Variants in ADGRL3 observed in about 807,000 individuals in gnomAD.
ADGRL3 encodes adhesion G protein-coupled receptor L3.
In ADGRL3, 62 loss-of-function variants were observed where a neutral mutation model predicts 153.5. The ratio of observed to expected loss-of-function variants is 0.40; its 90% CI spans 0.33 to 0.50. The LOEUF (loss-of-function observed/expected upper bound fraction) is 0.50, where lower values mean the gene tolerates loss of function less well. Ranked by LOEUF, ADGRL3 falls within the 20% of genes least tolerant of loss-of-function variation. The pLI is 0.47. For synonymous variants in ADGRL3, 710 were observed against 672.5 expected (o/e 1.06, Z -0.86); for missense variants, 1,641 against 1,859.4 (o/e 0.88, Z 2.16).
At chr4:61,446,113 T>TTAC (rs1158923806) in intron 2 of ADGRL3, among the ~76,000 whole-genome samples, 1 of 152,208 alleles carries the variant, frequency 6.6e-6, no homozygotes, top group Non-Finnish European at 1.5e-5. Context: ...TCTGAGAGTG[T>TTAC]ATCTTCATCA....
chr4:61,677,302 G>A, intron 6 of ADGRL3: 1 of 352,498 alleles, frequency 2.8e-6, no homozygotes, highest in Non-Finnish European at 5.3e-6. Flanking sequence ...ATGTATAGCA[G>A]TTGATACATT....
chr4:61,486,384 A>T (rs140497067), intron 2 of ADGRL3, among the ~76,000 whole-genome samples: 1 of 152,184 alleles, frequency 6.6e-6, no homozygotes, highest in African/African-American at 2.4e-5. Context: ...TTGTCACTAG[A>T]TGCGATATAT....
Position 61,735,526 on chromosome 4 carries a change from A to G in ADGRL3, c.1399+1972A>G, listed in dbSNP as rs529034009. Reference sequence around the variant, plus strand: ...CAGTTTAAAACCTGATCAATAATCCATTATCTAGAATATTCTGAGAAGACA... The same window carrying G: ...CAGTTTAAAACCTGATCAATAATCCGTTATCTAGAATATTCTGAGAAGACA... On this transcript the variant is annotated intron_variant, in intron 8 of 26. Coordinates refer to ENST00000683033, the MANE Select transcript of ADGRL3 (RefSeq NM_001387552.1). Among the ~76,000 whole-genome samples, 8 of 152,308 alleles carry G rather than the reference A, an allele frequency of 5.3e-5. No individual in the cohort carries two copies. The South Asian group carries it at 1.2e-3, about 24-fold the overall frequency.
At chr4:61,368,221 T>G (rs2096446070) in intron 1 of ADGRL3, among the ~76,000 whole-genome samples, 1 of 152,170 alleles carries the variant, frequency 6.6e-6, no homozygotes, top group African/African-American at 2.4e-5. Flanking sequence ...TCTTTTGCTG[T>G]GCAGAAGCTC....
intron 11 of ADGRL3, among the ~76,000 whole-genome samples, chr4:61,896,202 T>A (rs1456917784): frequency 6.6e-6 from 1 of 152,230 alleles, no homozygotes; most frequent in Non-Finnish European, 1.5e-5. Flanking sequence ...ACCTTTGGAA[T>A]CTTAAGCCAT....
At chr4:61,947,961 C>T in intron 16 of ADGRL3, 139 bp from the exon 17 acceptor site, 1 of 629,526 alleles carries the variant, frequency 1.6e-6, no homozygotes, top group Non-Finnish European at 2.8e-6. Flanking sequence ...TTGTTGAGGC[C>T]CACTTATGAA....
chr4:61,687,841 T>A (rs1370997897), intron 6 of ADGRL3, among the ~76,000 whole-genome samples: 4 of 152,050 alleles, frequency 2.6e-5, no homozygotes, highest in African/African-American at 9.6e-5. Flanking sequence ...AATTGACTTG[T>A]AAAATTTGAA....
At chr4:61,986,181 A>T (rs943208746) in intron 19 of ADGRL3, among the ~76,000 whole-genome samples, 1 of 152,156 alleles carries the variant, frequency 6.6e-6, no homozygotes, top group African/African-American at 2.4e-5. Context: ...ATGGGACTTT[A>T]CATTTTTCTC....
intron 6 of ADGRL3, among the ~76,000 whole-genome samples, chr4:61,699,114 C>T (rs1292065823): frequency 1.3e-5 from 2 of 152,236 alleles, no homozygotes; most frequent in Non-Finnish European, 2.9e-5. Context: ...TTTGCAACAT[C>T]CCCAAGATGT....
chr4:61,571,992 A>G (rs1333652344), intron 4 of ADGRL3, among the ~76,000 whole-genome samples: 1 of 152,200 alleles, frequency 6.6e-6, no homozygotes, highest in Non-Finnish European at 1.5e-5. Flanking sequence ...GAGCAGATAG[A>G]TAAATAAATT....
At chr4:61,987,052 G>A (rs2099087898) in intron 19 of ADGRL3, among the ~76,000 whole-genome samples, 1 of 151,724 alleles carries the variant, frequency 6.6e-6, no homozygotes, top group African/African-American at 2.4e-5. Context: ...TATATGTCTT[G>A]TTTCCTATCG....
intron 5 of ADGRL3, among the ~76,000 whole-genome samples, chr4:61,609,157 A>G (rs969458430): frequency 1.3e-5 from 2 of 152,134 alleles, no homozygotes; most frequent in African/African-American, 2.4e-5. Context: ...AACAATATTT[A>G]TATTGGTTAG....
At chr4:61,478,857 G>T (rs902864729) in intron 2 of ADGRL3, among the ~76,000 whole-genome samples, 2 of 151,894 alleles carry the variant, frequency 1.3e-5, no homozygotes, top group East Asian at 1.9e-4. Flanking sequence ...GAACTCAAAA[G>T]AAAAACACAA....
chr4:61,840,514 AGAG>A (rs2098013858), intron 9 of ADGRL3, among the ~76,000 whole-genome samples: 1 of 152,218 alleles, frequency 6.6e-6, no homozygotes, highest in African/African-American at 2.4e-5. Context: ...TCTAAGCCTG[AGAG>A]CATCTCCTTT....
intron 2 of ADGRL3, among the ~76,000 whole-genome samples, chr4:61,439,808 T>C (rs1048770872): frequency 1.3e-5 from 2 of 152,124 alleles, no homozygotes; most frequent in Non-Finnish European, 2.9e-5. Flanking sequence ...GAAGTATAGA[T>C]TTTAGAAAGC....
rs199627476 is a variant in ADGRL3 at position 61,962,785 on chromosome 4, A to G, written c.2805+14509A>G. On this transcript the variant is annotated intron_variant, in intron 17 of 26. Transcript: ENST00000683033. ...TTTGTAATTAAGAGGAATCTGTGGG[A>G]ACGTATTTGGAAACTTTGTTCTATT... Among the ~76,000 whole-genome samples the G allele has an allele frequency of 5.3e-5, 8 of 152,314 alleles. No homozygotes were observed. The East Asian group carries it at 1.5e-3, about 29-fold the overall frequency.
At chr4:61,908,316 G>T (rs568857334) in intron 11 of ADGRL3, among the ~76,000 whole-genome samples, 2 of 152,226 alleles carry the variant, frequency 1.3e-5, no homozygotes, top group Admixed American at 6.5e-5. Context: ...AAAGAAAAAG[G>T]CCGGGCGTAG....
At chr4:61,536,382 G>T (rs1209192738) in intron 4 of ADGRL3, among the ~76,000 whole-genome samples, 1 of 152,080 alleles carries the variant, frequency 6.6e-6, no homozygotes, top group Admixed American at 6.5e-5. Context: ...GTGTTCTGTA[G>T]ATATCTACTA....
At chr4:61,447,539 G>A (rs750284521) in intron 2 of ADGRL3, among the ~76,000 whole-genome samples, 1 of 152,086 alleles carries the variant, frequency 6.6e-6, no homozygotes, top group South Asian at 2.1e-4. Context: ...TTCAGGTTTG[G>A]TATATTCAGA....
Sources: allele counts gnomAD v4.1 joint callset (sites outside exome capture counted in the v4.1 genomes callset), GRCh38; gene constraint gnomAD v4.1.1; transcripts MANE v1.5; gene names NCBI Gene and HGNC (gene_info 2026-07-23, HGNC 2026-07-21).